SLCO1B1: variants seen among roughly 807,000 people sequenced by gnomAD.
SLCO1B1 encodes the protein OATP-2.
Under a neutral mutation model 70.1 loss-of-function variants are expected in SLCO1B1, and 81 were observed. That is an observed-to-expected ratio of 1.16 (90% CI 0.97 to 1.39). SLCO1B1 has a LOEUF of 1.39. Among genes scored for constraint, SLCO1B1 ranks in the 40% most tolerant of loss-of-function variants. The pLI, the probability that SLCO1B1 is intolerant of heterozygous loss-of-function variation, is 0.00. For missense variants in SLCO1B1, 895 were observed against 799.6 expected, an observed-to-expected ratio of 1.12 and a Z score of -1.44; for synonymous variants, 283 against 271.5, an observed-to-expected ratio of 1.04 and a Z score of -0.42.
At chr12:21,208,438 T>C (rs985264366) in intron 11 of SLCO1B1, among the ~76,000 whole-genome samples, 3 of 152,126 alleles carry the variant, frequency 2.0e-5, no homozygotes, top group Non-Finnish European at 4.4e-5. Context: ...CAGATGGTTT[T>C]AGGTGTGTGG....
At chr12:21,171,205 G>A (rs190237586) in intron 2 of SLCO1B1, among the ~76,000 whole-genome samples, 4 of 152,278 alleles carry the variant, frequency 2.6e-5, no homozygotes, top group Admixed American at 6.5e-5. Context: ...ATAGAAATAC[G>A]ACTATGGGGA....
Position 21,166,706 on chromosome 12 carries a change from C to T in SLCO1B1, c.85-5944C>T, listed in dbSNP as rs373040263. On this transcript the variant is annotated intron_variant, in intron 2 of 14. Transcript: ENST00000256958. ...CCAGTGAGAATGCAAAATAGTGCAG[C>T]CACTTTGGAAAATATTCTAATAGTT... is the stretch of plus-strand genomic sequence containing the variant. 2.4e-4 allele frequency among the ~76,000 whole-genome samples: 37 copies of T among 152,246 alleles called. 1 individual carries two copies. The South Asian group carries it at 7.5e-3, about 31-fold the overall frequency.
intron 1 of SLCO1B1, among the ~76,000 whole-genome samples, chr12:21,136,006 A>G (rs561925791): frequency 1.3e-3 from 194 of 152,234 alleles, no homozygotes; most frequent in African/African-American, 4.4e-3. Flanking sequence ...TGCTTCCTTC[A>G]GGAGCTCTTT....
intron 11 of SLCO1B1, among the ~76,000 whole-genome samples, chr12:21,213,997 G>T (rs1013362061): frequency 2.0e-4 from 30 of 151,528 alleles, no homozygotes; most frequent in African/African-American, 7.3e-4. Flanking sequence ...CAACTTCTTT[G>T]CCTTTGGTTT....
intron 2 of SLCO1B1, among the ~76,000 whole-genome samples, chr12:21,146,021 T>A (rs1473659750): frequency 6.6e-6 from 1 of 152,136 alleles, no homozygotes; most frequent in Non-Finnish European, 1.5e-5. Context: ...TGTAGAGAAT[T>A]GATATAAATT....
chr12:21,232,743 G>C (rs1941553794), intron 14 of SLCO1B1, among the ~76,000 whole-genome samples: 1 of 151,514 alleles, frequency 6.6e-6, no homozygotes, highest in African/African-American at 2.4e-5. Context: ...GACAGAGAAA[G>C]ACAGAGACAG....
chr12:21,221,121 G>T (rs147854829), intron 12 of SLCO1B1, among the ~76,000 whole-genome samples: 1 of 152,122 alleles, frequency 6.6e-6, no homozygotes, highest in East Asian at 1.9e-4. Flanking sequence ...CATCTTTCAT[G>T]ACAAAAATCC....
chr12:21,191,180 T>C (rs574408817), intron 7 of SLCO1B1, among the ~76,000 whole-genome samples: 23 of 152,124 alleles, frequency 1.5e-4, no homozygotes, highest in Non-Finnish European at 2.8e-4. Context: ...AAAAATACTA[T>C]TGGGCTTTTG....
At chr12:21,141,056 A>T (rs1037020369) in intron 1 of SLCO1B1, among the ~76,000 whole-genome samples, 1 of 151,920 alleles carries the variant, frequency 6.6e-6, no homozygotes, top group African/African-American at 2.4e-5. Context: ...AACTGAGGCC[A>T]TTCTAATTTA....
intron 2 of SLCO1B1, among the ~76,000 whole-genome samples, chr12:21,159,290 A>G (rs922687058): frequency 1.3e-5 from 2 of 152,158 alleles, no homozygotes; most frequent in Non-Finnish European, 2.9e-5. Flanking sequence ...GAGCTGACCA[A>G]ATTAGAGTTT....
chr12:21,172,568 G>C (rs1940768447), intron 2 of SLCO1B1, 82 bp from the exon 3 acceptor site: 2 of 1,421,010 alleles, frequency 1.4e-6, no homozygotes, highest in African/African-American at 2.8e-5. Flanking sequence ...AAAGAAGAAA[G>C]CTATTATAAT....
At chr12:21,209,527 A>G (rs911781969) in intron 11 of SLCO1B1, among the ~76,000 whole-genome samples, 1 of 152,210 alleles carries the variant, frequency 6.6e-6, no homozygotes, top group Non-Finnish European at 1.5e-5. Flanking sequence ...ATACGTGTGC[A>G]TGTGTCTTTA....
At chr12:21,222,427 TACAC>T (rs869209935) in intron 13 of SLCO1B1, 63 bp downstream of exon 13, 1,756 of 100,424 alleles carry the variant, frequency 0.017, 30 homozygotes, top group African/African-American at 0.024. Flanking sequence ...TATATATATA[TACAC>T]ACACACATAC....
At chr12:21,145,702 A>T (rs1415161443) in intron 2 of SLCO1B1, among the ~76,000 whole-genome samples, 1 of 151,842 alleles carries the variant, frequency 6.6e-6, no homozygotes, top group African/African-American at 2.4e-5. Flanking sequence ...ATTCACTCCA[A>T]TATTTGGAAT....
rs751709893 is a variant in SLCO1B1, at chr12:21,179,014, G to C, written c.721G>C (p.Asp241His). 3 of 1,593,976 alleles carry C rather than the reference G, an allele frequency of 1.9e-6. No homozygotes were observed. The highest frequency in any genetic ancestry group is 2.6e-6 in the Non-Finnish European group (3 of 1,162,172). Residue 241 changes from aspartate (D) to histidine (H), a missense_variant, in exon 7 of 15, where the codon GAT becomes CAT. Coordinates refer to ENST00000256958, the MANE Select transcript of SLCO1B1 (RefSeq NM_006446.5). ...AATGTACGTGGATATTGGATATGTA[G>C]ATCTAAGTAAGTACAACCAGAACAA... is the stretch of plus-strand genomic sequence containing the variant. ...SKMYVDIGYV[D>H]LSTIRITPTD...
chr12:21,156,780 T>C (rs11045797), intron 2 of SLCO1B1, among the ~76,000 whole-genome samples: 19,845 of 152,250 alleles, frequency 0.13, 1,788 homozygotes, highest in Middle Eastern at 0.22. Flanking sequence ...TTTCACTCTG[T>C]AATTCATATT....
chr12:21,166,659 C>T (rs1323789140), intron 2 of SLCO1B1, among the ~76,000 whole-genome samples: 1 of 152,102 alleles, frequency 6.6e-6, no homozygotes, highest in East Asian at 1.9e-4. Context: ...GAATGTGGAG[C>T]GACAAGAACT....
intron 3 of SLCO1B1, among the ~76,000 whole-genome samples, chr12:21,173,470 C>T (rs1940779712): frequency 6.6e-6 from 1 of 151,342 alleles, no homozygotes; most frequent in Non-Finnish European, 1.5e-5. Context: ...TGCCATCATC[C>T]ATCTTACCAT....
At chr12:21,167,133 C>T (rs762407884) in intron 2 of SLCO1B1, among the ~76,000 whole-genome samples, 19 of 151,960 alleles carry the variant, frequency 1.3e-4, no homozygotes, top group Non-Finnish European at 2.4e-4. Flanking sequence ...AAATGTTTGC[C>T]ACCAAAAAAC....
Sources: allele counts gnomAD v4.1 joint callset (sites outside exome capture counted in the v4.1 genomes callset), GRCh38; gene constraint gnomAD v4.1.1; transcripts MANE v1.5; gene names NCBI Gene and HGNC (gene_info 2026-07-23, HGNC 2026-07-21).